Variants in CSMD1 observed in about 807,000 individuals in gnomAD.
CSMD1 encodes the protein CUB and sushi domain-containing protein 1.
CSMD1 carries 213 observed loss-of-function variants against 417.5 expected under a neutral mutation model. That is an observed-to-expected ratio of 0.51 (90% CI 0.46 to 0.57). The LOEUF is 0.57. CSMD1 is among the 20% of genes least tolerant of loss of function. The pLI, the probability that CSMD1 is intolerant of heterozygous loss-of-function variation, is 0.00. For missense variants in CSMD1, 6,923 were observed against 4,529.7 expected (o/e 1.53, Z -15.17); for synonymous variants, 2,862 against 1,736.8 (o/e 1.65, Z -16.11).
At chr8:3,787,910 T>G (rs1035251486) in intron 5 of CSMD1, among the ~76,000 whole-genome samples, 3 of 152,186 alleles carry the variant, frequency 2.0e-5, no homozygotes, top group Non-Finnish European at 4.4e-5. Flanking sequence ...CCAGATTAAA[T>G]CTCTGTAGTT....
chr8:3,517,381 G>A (rs1797325924), intron 10 of CSMD1, among the ~76,000 whole-genome samples: 1 of 152,164 alleles, frequency 6.6e-6, no homozygotes, highest in Non-Finnish European at 1.5e-5. Context: ...AGTGTTTTAA[G>A]GAAGCTGATA....
At chr8:3,707,538 T>G (rs1801240532) in intron 7 of CSMD1, among the ~76,000 whole-genome samples, 2 of 152,156 alleles carry the variant, frequency 1.3e-5, no homozygotes, top group Admixed American at 1.3e-4. Context: ...GTCAACCCAC[T>G]TGGTATCTCA....
intron 10 of CSMD1, among the ~76,000 whole-genome samples, chr8:3,551,812 A>T (rs1362097460): frequency 6.6e-6 from 1 of 152,116 alleles, no homozygotes; most frequent in Admixed American, 6.5e-5. Context: ...TGTGACATGC[A>T]GTACCTGCAT....
intron 3 of CSMD1, among the ~76,000 whole-genome samples, chr8:4,157,697 G>T (rs13270571): frequency 3.9e-5 from 6 of 151,956 alleles, no homozygotes; most frequent in Non-Finnish European, 7.4e-5. Flanking sequence ...AACCGGCCTT[G>T]GGTGGGTCTG....
intron 3 of CSMD1, among the ~76,000 whole-genome samples, chr8:4,171,058 G>C (rs1199966220): frequency 6.6e-6 from 1 of 151,832 alleles, no homozygotes; most frequent in Non-Finnish European, 1.5e-5. Context: ...ATCCTCATCT[G>C]TCAGTGTTCC....
intron 3 of CSMD1, among the ~76,000 whole-genome samples, chr8:4,221,759 T>A (rs114188482): frequency 6.6e-6 from 1 of 152,164 alleles, no homozygotes; most frequent in South Asian, 2.1e-4. Flanking sequence ...CTAGCCTACA[T>A]TGAGATTAAA....
intron 1 of CSMD1, among the ~76,000 whole-genome samples, chr8:4,768,879 C>T (rs1796460277): frequency 1.3e-5 from 2 of 152,138 alleles, no homozygotes; most frequent in African/African-American, 4.8e-5. Context: ...CCACTTCTCC[C>T]CTTTTTCCTA....
intron 49 of CSMD1, among the ~76,000 whole-genome samples, chr8:3,075,779 T>C (rs567851156): frequency 3.4e-4 from 52 of 151,456 alleles, no homozygotes; most frequent in East Asian, 1.8e-3. Flanking sequence ...CGGTGGCTCA[T>C]GCCTGTAATC....
intron 4 of CSMD1, among the ~76,000 whole-genome samples, chr8:3,998,383 G>A (rs938383871): frequency 3.9e-5 from 6 of 152,186 alleles, no homozygotes; most frequent in Non-Finnish European, 8.8e-5. Context: ...TAGTTGCCAT[G>A]TACCTGACAT....
intron 3 of CSMD1, among the ~76,000 whole-genome samples, chr8:4,085,700 A>G (rs543788430): frequency 1.5e-4 from 23 of 152,302 alleles, no homozygotes; most frequent in African/African-American, 5.3e-4. Flanking sequence ...TATGATCCCA[A>G]ATTGTTAATA....
chr8:4,308,029 G>A (rs1171873806), intron 3 of CSMD1, among the ~76,000 whole-genome samples: 1 of 152,162 alleles, frequency 6.6e-6, no homozygotes, highest in Non-Finnish European at 1.5e-5. Flanking sequence ...ATACTACAGA[G>A]CAACGCCAGA....
At chr8:3,499,266 T>C (rs1319788063) in intron 10 of CSMD1, among the ~76,000 whole-genome samples, 1 of 152,234 alleles carries the variant, frequency 6.6e-6, no homozygotes, top group Non-Finnish European at 1.5e-5. Context: ...AATCAATGTC[T>C]GCATGTTTGT....
At chr8:4,818,275 G>A (rs1190399004) in intron 1 of CSMD1, among the ~76,000 whole-genome samples, 1 of 152,184 alleles carries the variant, frequency 6.6e-6, no homozygotes, top group African/African-American at 2.4e-5. Flanking sequence ...AGGTCACCCC[G>A]ATTTAGTCTA....
intron 11 of CSMD1, among the ~76,000 whole-genome samples, chr8:3,486,632 T>A (rs570973005): frequency 9.8e-4 from 149 of 152,328 alleles, no homozygotes; most frequent in Non-Finnish European, 1.7e-3. Flanking sequence ...GAGCCCAGAT[T>A]AGCTGAAATG....
At chr8:3,561,916 T>G (rs1799482815) in intron 10 of CSMD1, among the ~76,000 whole-genome samples, 1 of 152,164 alleles carries the variant, frequency 6.6e-6, no homozygotes, top group South Asian at 2.1e-4. Flanking sequence ...GGCTTCTGCA[T>G]AAGCGAGGGA....
At chr8:4,897,861 A>G (rs930893952) in intron 1 of CSMD1, among the ~76,000 whole-genome samples, 4 of 152,160 alleles carry the variant, frequency 2.6e-5, no homozygotes, top group Admixed American at 2.6e-4. Flanking sequence ...GGCAATCTAG[A>G]TTTTGTAGTC....
At chr8:3,873,892 G>A (rs1805644206) in intron 5 of CSMD1, among the ~76,000 whole-genome samples, 1 of 152,224 alleles carries the variant, frequency 6.6e-6, no homozygotes, top group Admixed American at 6.5e-5. Context: ...GGCTGAACTG[G>A]GGGAGGTCAC....
At chr8:4,848,799 C>A (rs1383243892) in intron 1 of CSMD1, among the ~76,000 whole-genome samples, 1 of 152,250 alleles carries the variant, frequency 6.6e-6, no homozygotes, top group Non-Finnish European at 1.5e-5. Flanking sequence ...CCGTCTCAGC[C>A]TTCCAAAGTG....
chr8:4,116,505 C>A (rs7829253), intron 3 of CSMD1, among the ~76,000 whole-genome samples: 5 of 126,118 alleles, frequency 4.0e-5, no homozygotes, highest in Non-Finnish European at 3.3e-5. Context: ...TGTACACATC[C>A]GACGGCGATG....
Sources: gnomAD v4.1 joint callset for allele counts (sites outside exome capture counted in the v4.1 genomes callset) on GRCh38, gnomAD v4.1.1 for gene constraint, MANE v1.5 for transcripts, NCBI Gene and HGNC (gene_info 2026-07-23, HGNC 2026-07-21) for gene names.